FLYWCH2: variants seen among roughly 807,000 people sequenced by gnomAD.
The protein encoded by FLYWCH2 is FLYWCH family member 2.
Under a neutral mutation model 6.0 loss-of-function variants are expected in FLYWCH2, and 2 were observed. That is an observed-to-expected ratio of 0.33 (90% CI 0.14 to 1.04). FLYWCH2 has a LOEUF of 1.04. Ranked by LOEUF, FLYWCH2 falls within the 50% of genes least tolerant of loss-of-function variation. The pLI is 0.45. For synonymous variants in FLYWCH2, 87 were observed against 79.3 expected (o/e 1.10, Z -0.52); for missense variants, 192 against 183.4 (o/e 1.05, Z -0.27).
intron 3 of FLYWCH2, among the ~76,000 whole-genome samples, chr16:2,897,225 G>T (rs1227716668): frequency 6.6e-6 from 1 of 152,154 alleles, no homozygotes; most frequent in Non-Finnish European, 1.5e-5. Flanking sequence ...CTGTGTGCAG[G>T]CTGGGCTCTG....
At chr16:2,885,409 G>A (rs2069688038) in intron 1 of FLYWCH2, among the ~76,000 whole-genome samples, 2 of 151,818 alleles carry the variant, frequency 1.3e-5, no homozygotes, top group Non-Finnish European at 2.9e-5. Flanking sequence ...ATTCCTTTTA[G>A]GACATTTTCA....
At chr16:2,883,706 TC>T in intron 1 of FLYWCH2, among the ~76,000 whole-genome samples, 1 of 151,360 alleles carries the variant, frequency 6.6e-6, no homozygotes, top group African/African-American at 2.4e-5. Flanking sequence ...GCTCGGGAGG[TC>T]CCTGCAGGGA....
At chr16:2,892,671 G>A (rs981321930) in intron 1 of FLYWCH2, among the ~76,000 whole-genome samples, 7 of 151,438 alleles carry the variant, frequency 4.6e-5, no homozygotes, top group East Asian at 1.9e-4. Context: ...TGGTGAAACC[G>A]CGTATCTACT....
At chr16:2,894,615 C>T (rs1333515026) in intron 1 of FLYWCH2, among the ~76,000 whole-genome samples, 1 of 152,200 alleles carries the variant, frequency 6.6e-6, no homozygotes, top group Non-Finnish European at 1.5e-5. Context: ...TGTCCGGAGG[C>T]GGACGGATAA....
chr16:2,887,342 G>T (rs8050098), intron 1 of FLYWCH2, among the ~76,000 whole-genome samples: 40,413 of 133,322 alleles, frequency 0.3, 5,926 homozygotes, highest in South Asian at 0.5. Context: ...TGTATTTTTA[G>T]TAGAGATGAG....
chr16:2,883,533 C>T (rs1342353620), intron 1 of FLYWCH2, among the ~76,000 whole-genome samples, 167 bp downstream of exon 1: 2 of 152,154 alleles, frequency 1.3e-5, no homozygotes, highest in Non-Finnish European at 2.9e-5. Flanking sequence ...CTCTTTGCCT[C>T]TCGCCCCTCC....
chr16:2,888,772 G>C (rs2069725548), intron 1 of FLYWCH2, among the ~76,000 whole-genome samples: 1 of 152,054 alleles, frequency 6.6e-6, no homozygotes, highest in Admixed American at 6.6e-5. Flanking sequence ...TCCAAATGGA[G>C]AGTATGAGGA....
At chr16:2,885,539 C>CT (rs1318195060) in intron 1 of FLYWCH2, among the ~76,000 whole-genome samples, 3 of 152,304 alleles carry the variant, frequency 2.0e-5, no homozygotes, top group Admixed American at 2.0e-4. Context: ...TCTGTAGATT[C>CT]TCTAGACTCT....
intron 1 of FLYWCH2, among the ~76,000 whole-genome samples, chr16:2,890,625 G>A (rs55931958): frequency 0.55 from 82,115 of 149,750 alleles, 23,104 homozygotes; most frequent in African/African-American, 0.63. Context: ...AGGTTTCACC[G>A]TGTTGGCCAG....
In FLYWCH2 at chr16:2,899,121, G is replaced by C; in HGVS notation, c.395G>C (p.Cys132Ser). The change falls in exon 4 of 4, where the codon TGC becomes TCC. Residue 132 changes from cysteine to serine, a missense_variant. Cys to Ser is a moderately radical substitution (Grantham distance 112). Coordinates refer to ENST00000396958, the MANE Select transcript of FLYWCH2 (RefSeq NM_138439.3). The part of the protein sequence containing the change: ...PEAAGENFAP[C>S]SVAPGKSL ...GCTGCTGGGGAGAACTTTGCCCCCT[G>C]CTCTGTGGCGCCCGGCAAGTCCCTG... 6.2e-7 allele frequency: 1 copy of C among 1,613,526 alleles called. No individual in the cohort carries two copies. The highest frequency in any genetic ancestry group is 8.5e-7 in the Non-Finnish European group (1 of 1,179,776).
chr16:2,892,412 C>A (rs1262495929), intron 1 of FLYWCH2, among the ~76,000 whole-genome samples: 1 of 151,840 alleles, frequency 6.6e-6, no homozygotes, highest in African/African-American at 2.4e-5. Flanking sequence ...AGGAGAATAT[C>A]TTCAACCCAG....
Position 2,889,146 on chromosome 16 carries a change from GTTGT to G in FLYWCH2, c.-200+5785_-200+5788del, listed in dbSNP as rs201741124. Among the ~76,000 whole-genome samples, 729 of 145,266 alleles carry G rather than the reference GTTGT, an allele frequency of 5.0e-3. 9 individuals carry two copies. The highest frequency in any genetic ancestry group is 0.017 in the African/African-American group (650 of 39,142). ...TTGGTGTTTTTTTGTTGTTGTTGTTGTTGTTTGTGTGTGTGTATACATGTGTATA... is the reference window on the plus strand; with the variant it reads ...TTGGTGTTTTTTTGTTGTTGTTGTTGTTGTGTGTGTGTATACATGTGTATA... On this transcript the variant is annotated intron_variant, in intron 1 of 3. Coordinates refer to ENST00000396958, the MANE Select transcript of FLYWCH2 (RefSeq NM_138439.3).
In FLYWCH2 at chr16:2,896,665, C is replaced by G. The variant is rs751914520; in HGVS notation, c.216C>G (p.Gly72=). Residue 72 remains glycine (G), a synonymous_variant, in exon 3 of 4, where the codon GGC becomes GGG. Coordinates refer to ENST00000396958, the MANE Select transcript of FLYWCH2 (RefSeq NM_138439.3). Reference sequence around the variant, plus strand: ...GTGTCATGTCCCTGGGGGTGCCCGGCCCCGCCACCCTTGCCAAGGCCCTCC... The same window carrying G: ...GTGTCATGTCCCTGGGGGTGCCCGGGCCCGCCACCCTTGCCAAGGCCCTCC... ...VHCVMSLGVP[G]PATLAKALLQ... 6.2e-7 allele frequency: 1 copy of G among 1,613,218 alleles called. No homozygotes were observed. The highest frequency in any genetic ancestry group is 1.7e-5 in the Admixed American group (1 of 60,012).
intron 1 of FLYWCH2, among the ~76,000 whole-genome samples, chr16:2,888,251 C>G (rs1477683893): frequency 6.6e-6 from 1 of 152,054 alleles, no homozygotes; most frequent in Non-Finnish European, 1.5e-5. Flanking sequence ...TTCAGGCAAT[C>G]CACCCACCTT....
At chr16:2,890,396 C>G (rs1015879254) in intron 1 of FLYWCH2, among the ~76,000 whole-genome samples, 5 of 149,360 alleles carry the variant, frequency 3.3e-5, no homozygotes, top group Admixed American at 6.7e-5. Context: ...TTACTAGGTG[C>G]ACAGCACCAT....
chr16:2,888,743 C>T (rs2069725287), intron 1 of FLYWCH2, among the ~76,000 whole-genome samples: 1 of 152,090 alleles, frequency 6.6e-6, no homozygotes. Flanking sequence ...GGACTGGCTT[C>T]TTCTTGGCTA....
intron 3 of FLYWCH2, among the ~76,000 whole-genome samples, chr16:2,898,397 C>T (rs543667102): frequency 3.3e-5 from 5 of 152,204 alleles, no homozygotes; most frequent in Non-Finnish European, 7.3e-5. Flanking sequence ...CTTCTCCTGC[C>T]AACCTTGGGC....
At chr16:2,887,352 G>A (rs1266316539) in intron 1 of FLYWCH2, among the ~76,000 whole-genome samples, 9 of 139,162 alleles carry the variant, frequency 6.5e-5, no homozygotes, top group Admixed American at 3.1e-4. Context: ...GTAGAGATGA[G>A]GTCTCGCCAT....
At chr16:2,896,290 G>C in intron 2 of FLYWCH2, 62 bp from the exon 3 acceptor site, 8 of 927,496 alleles carry the variant, frequency 8.6e-6, no homozygotes, top group Non-Finnish European at 1.2e-5. Flanking sequence ...CTCCCTCCCA[G>C]ATCCACGTCT....
Sources: gnomAD v4.1 joint callset for allele counts (sites outside exome capture counted in the v4.1 genomes callset) on GRCh38, gnomAD v4.1.1 for gene constraint, MANE v1.5 for transcripts, NCBI Gene and HGNC (gene_info 2026-07-23, HGNC 2026-07-21) for gene names.